Variants in ZNF735 observed in about 807,000 individuals in gnomAD.
ZNF735 encodes zinc finger protein 735.
Under a neutral mutation model 13.4 loss-of-function variants are expected in ZNF735, and 11 were observed. That is an observed-to-expected ratio of 0.82 (90% CI 0.52 to 1.36). ZNF735 has a LOEUF of 1.36. Ranked by LOEUF, ZNF735 falls within the 40% of genes most tolerant of loss-of-function variation. ZNF735 has a pLI of 0.00. For synonymous variants in ZNF735, 171 were observed against 162.6 expected, an observed-to-expected ratio of 1.05 and a Z score of -0.39; for missense variants, 500 against 484.6, an observed-to-expected ratio of 1.03 and a Z score of -0.30.
intron 3 of ZNF735, among the ~76,000 whole-genome samples, chr7:64,217,205 A>G (rs1210773139): frequency 6.6e-6 from 1 of 152,096 alleles, no homozygotes; most frequent in Non-Finnish European, 1.5e-5. Flanking sequence ...GCTTAAAGGA[A>G]CCTGGCTCCT....
At chr7:64,219,985 C>T (rs761084096) in exon 4 of ZNF735, 1 of 1,613,788 alleles carries the variant, frequency 6.2e-7, no homozygotes, top group Non-Finnish European at 8.5e-7. Flanking sequence ...ATCCTCAGCC[C>T]TCATTTACCA....
chr7:64,219,862 T>C (rs768213334), exon 4 of ZNF735: 3 of 1,613,884 alleles, frequency 1.9e-6, no homozygotes, highest in South Asian at 1.1e-5. Context: ...ACCCTACGCA[T>C]GTGAAGAATG....
intron 1 of ZNF735, among the ~76,000 whole-genome samples, chr7:64,211,738 C>T (rs1170151735): frequency 4.0e-5 from 6 of 151,506 alleles, no homozygotes; most frequent in Admixed American, 2.0e-4. Context: ...TAGTGCCATG[C>T]GCCTGTAATC....
intron 1 of ZNF735, among the ~76,000 whole-genome samples, chr7:64,209,516 G>A (rs1445159437): frequency 5.3e-5 from 8 of 152,058 alleles, no homozygotes; most frequent in African/African-American, 1.9e-4. Flanking sequence ...TAGTAGAGAC[G>A]GGGTTTCACC....
At position 64,219,692 on chromosome 7, in the gene ZNF735, A is replaced by G. The variant is rs529471725; in HGVS notation, c.641A>G (p.Lys214Arg). 6 of 1,588,448 alleles carry G rather than the reference A, an allele frequency of 3.8e-6. No individual in the cohort carries two copies. In the South Asian group the frequency reaches 6.8e-5, roughly 18 times the overall value. Reference sequence around the variant, plus strand: ...ATTCATACTAAGGAGAAGTCCTACAAATGTGAAGAATGTGGCAAATCCTTT... The same window carrying G: ...ATTCATACTAAGGAGAAGTCCTACAGATGTGAAGAATGTGGCAAATCCTTT... Residue 214 changes from lysine (K) to arginine (R), a missense_variant, in exon 4 of 4, where the codon AAA becomes AGA. Coordinates refer to ENST00000429565, the Ensembl canonical transcript of ZNF735.
At chr7:64,213,614 T>C (rs948133255) in intron 2 of ZNF735, among the ~76,000 whole-genome samples, 2 of 152,200 alleles carry the variant, frequency 1.3e-5, no homozygotes, top group African/African-American at 4.8e-5. Flanking sequence ...TAGAATTTTC[T>C]ATTATATCCT....
chr7:64,219,214 T>C, intron 3 of ZNF735, 100 bp from the exon 4 acceptor site: 1 of 1,436,114 alleles, frequency 7.0e-7, no homozygotes, highest in Non-Finnish European at 9.3e-7. Flanking sequence ...TGATATGCCA[T>C]TTTGCTAATG....
chr7:64,215,413 C>T (rs1336756309), intron 3 of ZNF735, among the ~76,000 whole-genome samples: 3 of 152,168 alleles, frequency 2.0e-5, no homozygotes, highest in South Asian at 2.1e-4. Context: ...TTCTAGGAGT[C>T]GTTTATATAT....
At chr7:64,210,644 C>T (rs1210950439) in intron 1 of ZNF735, among the ~76,000 whole-genome samples, 1 of 152,142 alleles carries the variant, frequency 6.6e-6, no homozygotes, top group African/African-American at 2.4e-5. Flanking sequence ...GAGGTCAGTG[C>T]GGTTCGTGCT....
chr7:64,219,944 A>C lies in ZNF735; in HGVS notation c.893A>C (p.Lys298Thr), dbSNP rs756142372. The C allele has an allele frequency of 2.7e-5, 44 of 1,613,368 alleles. No homozygotes were observed. The African/African-American group carries it at 5.1e-4, about 19-fold the overall frequency. ...ATTCATACTGGAGAGAGACCCTACA[A>C]ATGTGAAGAATGTGGCAAAGCCTTT... The change falls in exon 4 of 4, where the codon AAA becomes ACA. Residue 298 changes from lysine to threonine, a missense_variant. Physicochemically the swap from Lys to Thr is moderately conservative, Grantham distance 78. Transcript: ENST00000429565.
chr7:64,210,916 C>T (rs1787352832), intron 1 of ZNF735, among the ~76,000 whole-genome samples: 1 of 152,042 alleles, frequency 6.6e-6, no homozygotes, highest in Admixed American at 6.6e-5. Context: ...AGCATCTTAC[C>T]TGAAAATACA....
chr7:64,208,476 C>T lies in ZNF735; in HGVS notation c.39+1235C>T, dbSNP rs1245668465. Among the ~76,000 whole-genome samples, 6 of 151,786 alleles carry T rather than the reference C, an allele frequency of 4.0e-5. No homozygotes were observed. The South Asian group carries it at 8.3e-4, about 21-fold the overall frequency. On this transcript the variant is annotated intron_variant, in intron 1 of 3. Coordinates refer to ENST00000429565, the Ensembl canonical transcript of ZNF735. ...TTCACCACGTTGGCCAGGTTGGTCT[C>T]GAACTTTTGACCTCAGGTGATCTGC...
chr7:64,215,771 G>A (rs13227066), intron 3 of ZNF735, among the ~76,000 whole-genome samples: 44,323 of 151,706 alleles, frequency 0.29, 6,427 homozygotes, highest in East Asian at 0.32. Context: ...CTATTGAAGG[G>A]TTTATATTTT....
chr7:64,220,166 A>T, exon 4 of ZNF735: 1 of 1,613,250 alleles, frequency 6.2e-7, no homozygotes, highest in Non-Finnish European at 8.5e-7. Flanking sequence ...AAGGCACATA[A>T]GAGAATTCAT....
exon 4 of ZNF735, chr7:64,219,823 A>G (rs767854368): frequency 6.2e-7 from 1 of 1,613,344 alleles, no homozygotes; most frequent in Admixed American, 1.7e-5. Context: ...AAACCTTACT[A>G]GACATAAGAG....
intron 1 of ZNF735, among the ~76,000 whole-genome samples, chr7:64,208,059 A>G (rs1252440115): frequency 1.3e-5 from 2 of 151,972 alleles, no homozygotes; most frequent in African/African-American, 4.8e-5. Context: ...AGACTTGAAG[A>G]AAAGTCTGTT....
chr7:64,211,844 C>T (rs975901776), intron 1 of ZNF735, among the ~76,000 whole-genome samples: 13 of 142,080 alleles, frequency 9.1e-5, no homozygotes, highest in East Asian at 8.3e-4. Flanking sequence ...CTAGCCTGGG[C>T]GACAGAGCAA....
intron 1 of ZNF735, among the ~76,000 whole-genome samples, chr7:64,212,288 A>T (rs1287510191): frequency 1.3e-5 from 2 of 152,226 alleles, no homozygotes; most frequent in African/African-American, 4.8e-5. Flanking sequence ...GTTTGACAAA[A>T]TATTCTTACT....
chr7:64,216,647 C>A (rs1787425595), intron 3 of ZNF735, among the ~76,000 whole-genome samples: 2 of 151,724 alleles, frequency 1.3e-5, no homozygotes, highest in Non-Finnish European at 1.5e-5. Context: ...ACTCTGTTGC[C>A]CAGACTGTAG....
Sources: gnomAD v4.1 joint callset for allele counts (sites outside exome capture counted in the v4.1 genomes callset) on GRCh38, gnomAD v4.1.1 for gene constraint, MANE v1.5 for transcripts, NCBI Gene and HGNC (gene_info 2026-07-23, HGNC 2026-07-21) for gene names.